The following PPP1R9A variants were observed in gnomAD, a reference collection of about 807,000 sequenced individuals.
PPP1R9A encodes protein phosphatase 1 regulatory subunit 9A.
In PPP1R9A, 59 loss-of-function variants were observed where a neutral mutation model predicts 141.9. The observed-to-expected ratio is 0.42, with a 90% CI of 0.34 to 0.52. The LOEUF (loss-of-function observed/expected upper bound fraction) is 0.52. Among genes scored for constraint, PPP1R9A ranks in the 20% least tolerant of loss-of-function variants. The pLI is 0.10. For missense variants in PPP1R9A, 1,444 were observed against 1,611.9 expected, an observed-to-expected ratio of 0.90 and a Z score of 1.78; for synonymous variants, 500 against 569.7, an observed-to-expected ratio of 0.88 and a Z score of 1.74.
chr7:95,180,637 G>A (rs1833599678), intron 5 of PPP1R9A, among the ~76,000 whole-genome samples: 1 of 152,018 alleles, frequency 6.6e-6, no homozygotes, highest in Non-Finnish European at 1.5e-5. Context: ...ATCTGACATA[G>A]GACTAATATC....
intron 6 of PPP1R9A, among the ~76,000 whole-genome samples, chr7:95,201,758 T>C (rs1379717189): frequency 6.6e-6 from 1 of 150,902 alleles, no homozygotes; most frequent in Non-Finnish European, 1.5e-5. Context: ...AGTCACTTGG[T>C]TTTTTTACTT....
At chr7:94,961,605 ATGAC>A (rs1230269628) in intron 2 of PPP1R9A, among the ~76,000 whole-genome samples, 1 of 151,884 alleles carries the variant, frequency 6.6e-6, no homozygotes, top group East Asian at 1.9e-4. Flanking sequence ...ATTTTTAGAA[ATGAC>A]TGGGTGCCCT....
chr7:95,195,444 CTTTT>C (rs771744539), intron 5 of PPP1R9A, among the ~76,000 whole-genome samples: 1 of 130,946 alleles, frequency 7.6e-6, no homozygotes. Context: ...CCACACCTGG[CTTTT>C]TTTTTTTTTT....
intron 5 of PPP1R9A, among the ~76,000 whole-genome samples, chr7:95,164,319 C>T (rs1202732204): frequency 1.3e-5 from 2 of 152,106 alleles, no homozygotes; most frequent in African/African-American, 4.8e-5. Context: ...CCTCCATTGT[C>T]CATTAATATT....
chr7:94,990,884 T>G (rs578228321), intron 2 of PPP1R9A, among the ~76,000 whole-genome samples: 2 of 152,188 alleles, frequency 1.3e-5, no homozygotes, highest in African/African-American at 4.8e-5. Flanking sequence ...CAGGATTTCC[T>G]TCTTTTTTAT....
rs368019173 is a variant in PPP1R9A, at chr7:95,226,073, C to T, written c.2069C>T (p.Pro690Leu). The change falls in exon 8 of 20, where the codon CCA becomes CTA. Residue 690 changes from proline (P) to leucine (L), a missense_variant. Coordinates refer to ENST00000433360, the MANE Select transcript of PPP1R9A (RefSeq NM_001166160.2). ...CCTGAGAATGAGGACATGTTTTCCC[C>T]ATCAGAACTGGACACAAGCAAGCTC... The part of the protein sequence containing the change: ...ELPENEDMFS[P>L]SELDTSKLSH... 6.1e-5 allele frequency: 99 copies of T among 1,613,388 alleles called. No individual in the cohort carries two copies. Among genetic ancestry groups the T allele is most frequent in the African/African-American group, 1.1e-4 (8 of 74,874 alleles).
In PPP1R9A at chr7:95,111,376, G is replaced by T. The variant is rs1370159698; in HGVS notation, c.1513G>T (p.Val505Leu). Residue 505 changes from valine (V) to leucine (L), a missense_variant, in exon 3 of 20, where the codon GTG becomes TTG. This residue lies in a region of PPP1R9A where 488 missense variants were observed against 542.0 expected (regional missense o/e 0.90). Coordinates refer to ENST00000433360, the MANE Select transcript of PPP1R9A (RefSeq NM_001166160.2). ...TGTAGAAAAGCTGGAACTTTTCCCA[G>T]TGGAGCTAGAGAAAGGTTCGTGAGT... is the stretch of plus-strand genomic sequence containing the variant. ...KRVEKLELFPVELEKDEDGLG... is the reference protein window; with the variant it reads ...KRVEKLELFPLELEKDEDGLG... The T allele has an allele frequency of 8.7e-6, 14 of 1,613,746 alleles. No homozygotes were observed. Among genetic ancestry groups the T allele is most frequent in the Non-Finnish European group, 1.1e-5 (13 of 1,179,726 alleles).
intron 3 of PPP1R9A, among the ~76,000 whole-genome samples, chr7:95,118,801 T>A (rs1821967487): frequency 1.4e-5 from 2 of 142,474 alleles, no homozygotes; most frequent in Non-Finnish European, 3.0e-5. Context: ...TGAAACCCTG[T>A]CTGTACAAAA....
intron 7 of PPP1R9A, among the ~76,000 whole-genome samples, chr7:95,219,077 A>G (rs1413249396): frequency 1.3e-5 from 2 of 152,046 alleles, no homozygotes; most frequent in Non-Finnish European, 2.9e-5. Context: ...TGGTCTTTAC[A>G]ATTTGTCATG....
intron 9 of PPP1R9A, among the ~76,000 whole-genome samples, chr7:95,249,690 AT>A (rs2153003652): frequency 6.6e-6 from 1 of 152,254 alleles, no homozygotes; most frequent in East Asian, 1.9e-4. Flanking sequence ...CTCTCAAAAC[AT>A]GTTGACATTC....
chr7:94,959,016 A>G (rs965702611), intron 2 of PPP1R9A, among the ~76,000 whole-genome samples: 26 of 152,140 alleles, frequency 1.7e-4, no homozygotes, highest in Non-Finnish European at 3.1e-4. Flanking sequence ...ATTTTCATTT[A>G]TATCCAAACT....
At chr7:94,912,863 C>G (rs1194965473) in intron 2 of PPP1R9A, among the ~76,000 whole-genome samples, 1 of 151,988 alleles carries the variant, frequency 6.6e-6, no homozygotes, top group South Asian at 2.1e-4. Context: ...GCTTTACCAC[C>G]TTCCTTTGTG....
chr7:94,911,086 T>C lies in PPP1R9A; in HGVS notation c.973T>C (p.Cys325Arg), dbSNP rs1791401309. The change falls in exon 2 of 20, where the codon TGT becomes CGT. Residue 325 changes from cysteine (C) to arginine (R), a missense_variant. Physicochemically the swap from Cys to Arg is radical, Grantham distance 180. This residue lies in a region of PPP1R9A where 490 missense variants were observed against 521.1 expected (regional missense o/e 0.94). Coordinates refer to ENST00000433360, the MANE Select transcript of PPP1R9A (RefSeq NM_001166160.2). ...SIDKDGPEEP[C>R]AESKAMPKSE... ...TGACAAAGATGGTCCTGAAGAACCT[T>C]GTGCTGAAAGTAAGGCAATGCCAAA... 1 of 1,614,144 alleles carries C rather than the reference T, an allele frequency of 6.2e-7. No homozygotes were observed. Among genetic ancestry groups the C allele is most frequent in the Non-Finnish European group, 8.5e-7 (1 of 1,180,016 alleles).
In PPP1R9A at chr7:95,262,552, T is replaced by C. The variant is rs76673334; in HGVS notation, c.2666-5998T>C. ...GACTGGTAGTCACTGCCTTTCCAGG[T>C]AGTCTAGCGGTATTACTGAAGAGTT... On this transcript the variant is annotated intron_variant, in intron 12 of 19. Transcript: ENST00000433360. 1.5e-3 allele frequency among the ~76,000 whole-genome samples: 226 copies of C among 152,286 alleles called. 1 individual carries two copies. Among genetic ancestry groups the C allele is most frequent in the African/African-American group, 5.4e-3 (223 of 41,558 alleles).
At chr7:95,130,244 C>T (rs539760507) in intron 4 of PPP1R9A, among the ~76,000 whole-genome samples, 26 of 152,240 alleles carry the variant, frequency 1.7e-4, no homozygotes, top group African/African-American at 6.3e-4. Flanking sequence ...CCAGCTGTTC[C>T]AGCCTTGGCT....
intron 2 of PPP1R9A, among the ~76,000 whole-genome samples, chr7:94,934,596 C>T (rs971270165): frequency 2.0e-5 from 3 of 151,412 alleles, no homozygotes; most frequent in African/African-American, 4.9e-5. Flanking sequence ...ATTCACAGTA[C>T]CTTTGTGTTC....
intron 8 of PPP1R9A, among the ~76,000 whole-genome samples, chr7:95,227,860 C>T (rs1003506190): frequency 1.3e-5 from 2 of 152,204 alleles, no homozygotes; most frequent in East Asian, 1.9e-4. Context: ...CATCGTTCCA[C>T]TTAACAATTC....
Position 94,910,318 on chromosome 7 carries a change from C to A in PPP1R9A, c.205C>A (p.Leu69Ile). 6.2e-7 allele frequency: 1 copy of A among 1,613,982 alleles called. No individual in the cohort carries two copies. Among genetic ancestry groups the A allele is most frequent in the Non-Finnish European group, 8.5e-7 (1 of 1,179,986 alleles). The part of the protein sequence containing the change: ...YGSNVNRIKN[L>I]FMQMGMEPNE... ...CTCCAATGTCAACAGAATTAAAAACCTATTTATGCAGATGGGTATGGAACC... is the reference window on the plus strand; with the variant it reads ...CTCCAATGTCAACAGAATTAAAAACATATTTATGCAGATGGGTATGGAACC... The change falls in exon 2 of 20, where the codon CTA (leucine) becomes ATA (isoleucine). Residue 69 changes from leucine to isoleucine, a missense_variant. Transcript: ENST00000433360. The surrounding 1 kb of genome is among the most constrained non-coding windows in gnomAD (Gnocchi z 4.5).
intron 7 of PPP1R9A, among the ~76,000 whole-genome samples, chr7:95,204,128 A>G (rs1299980610): frequency 1.3e-5 from 2 of 152,216 alleles, no homozygotes; most frequent in African/African-American, 4.8e-5. Context: ...TAATCTTTTG[A>G]TACAAAATTC....
Sources: gnomAD v4.1 joint callset for allele counts (sites outside exome capture counted in the v4.1 genomes callset) on GRCh38, gnomAD v4.1.1 for gene constraint, gnomAD v4.1.1 regional missense constraint, Gnocchi (gnomAD v3.1) non-coding constraint, MANE v1.5 for transcripts, NCBI Gene and HGNC (gene_info 2026-07-23, HGNC 2026-07-21) for gene names.